RERG: variants seen among roughly 807,000 people sequenced by gnomAD.
RERG encodes RAS like estrogen regulated growth inhibitor, also known as ras-related and estrogen-regulated growth inhibitor.
Under a neutral mutation model 23.2 loss-of-function variants are expected in RERG, and 25 were observed. The observed-to-expected ratio is 1.08, with a 90% CI of 0.79 to 1.50. RERG has a LOEUF of 1.50. Ranked by LOEUF, RERG falls within the 40% of genes most tolerant of loss-of-function variation. RERG has a pLI of 0.00. For synonymous variants in RERG, 81 were observed against 89.1 expected (o/e 0.91, Z 0.51); for missense variants, 253 against 250.1 (o/e 1.01, Z -0.08).
chr12:15,217,389 C>CCA (rs745681547), intron 2 of RERG, 40 bp downstream of exon 2: 2,784 of 1,246,708 alleles, frequency 2.2e-3, no homozygotes, highest in Non-Finnish European at 2.8e-3. Context: ...ACACACTCAC[C>CCA]CACACACACA....
At chr12:15,131,088 G>GA (rs1864038442) in intron 2 of RERG, among the ~76,000 whole-genome samples, 1 of 151,990 alleles carries the variant, frequency 6.6e-6, no homozygotes, top group East Asian at 1.9e-4. Flanking sequence ...GCAAAATCAA[G>GA]AAAAATCTTA....
chr12:15,124,624 T>C (rs1351590890), intron 2 of RERG, among the ~76,000 whole-genome samples: 2 of 152,080 alleles, frequency 1.3e-5, no homozygotes, highest in Admixed American at 6.5e-5. Flanking sequence ...CAGTTGTGAT[T>C]GTTCTTTTCT....
intron 2 of RERG, 40 bp downstream of exon 2, chr12:15,217,387 ACC>A: frequency 7.7e-7 from 1 of 1,305,796 alleles, no homozygotes; most frequent in Non-Finnish European, 1.1e-6. Context: ...AAACACACTC[ACC>A]CACACACACA....
intron 2 of RERG, among the ~76,000 whole-genome samples, chr12:15,192,113 C>A (rs748665365): frequency 2.0e-4 from 31 of 152,292 alleles, no homozygotes; most frequent in Non-Finnish European, 3.8e-4. Flanking sequence ...GGGCAGATTT[C>A]TCATGAATGG....
chr12:15,120,766 C>T (rs562496066), intron 3 of RERG, among the ~76,000 whole-genome samples: 3 of 152,268 alleles, frequency 2.0e-5, no homozygotes, highest in African/African-American at 7.2e-5. Flanking sequence ...TCCTCTCTCT[C>T]CCATTAGAAT....
At chr12:15,147,539 T>TA (rs1247770410) in intron 2 of RERG, among the ~76,000 whole-genome samples, 1 of 152,234 alleles carries the variant, frequency 6.6e-6, no homozygotes, top group Non-Finnish European at 1.5e-5. Context: ...AACTTTGTTT[T>TA]AAAATACATA....
chr12:15,140,175 G>A (rs748470982), intron 2 of RERG, among the ~76,000 whole-genome samples: 4 of 152,084 alleles, frequency 2.6e-5, no homozygotes, highest in Admixed American at 6.6e-5. Context: ...GAGCCTTTCG[G>A]AGACAATAGA....
At chr12:15,159,573 C>A (rs558303036) in intron 2 of RERG, among the ~76,000 whole-genome samples, 5 of 152,156 alleles carry the variant, frequency 3.3e-5, no homozygotes, top group Admixed American at 2.0e-4. Context: ...CCTGTAATCC[C>A]AGCACTTTGG....
At chr12:15,196,441 C>CTGT (rs1400966493) in intron 2 of RERG, among the ~76,000 whole-genome samples, 1 of 152,132 alleles carries the variant, frequency 6.6e-6, no homozygotes, top group Non-Finnish European at 1.5e-5. Flanking sequence ...TTCTTTTCCC[C>CTGT]TGAGGAAGTA....
At chr12:15,126,549 T>C (rs1229439275) in intron 2 of RERG, among the ~76,000 whole-genome samples, 1 of 152,036 alleles carries the variant, frequency 6.6e-6, no homozygotes, top group African/African-American at 2.4e-5. Flanking sequence ...CCATAAATAC[T>C]TGCAAGCTGA....
At chr12:15,136,452 C>T (rs150170626) in intron 2 of RERG, among the ~76,000 whole-genome samples, 6 of 151,756 alleles carry the variant, frequency 4.0e-5, no homozygotes, top group Non-Finnish European at 5.9e-5. Context: ...TTAATTCACT[C>T]TTCTATTTCT....
chr12:15,191,309 A>T (rs1265916744), intron 2 of RERG, among the ~76,000 whole-genome samples: 1 of 152,154 alleles, frequency 6.6e-6, no homozygotes, highest in Non-Finnish European at 1.5e-5. Context: ...TCTCTCCCTT[A>T]TCATCTCTAT....
intron 2 of RERG, among the ~76,000 whole-genome samples, chr12:15,215,738 G>A (rs1002989756): frequency 6.6e-6 from 1 of 152,114 alleles, no homozygotes; most frequent in Non-Finnish European, 1.5e-5. Context: ...AAATGGTCAG[G>A]TGAGAATGAG....
intron 3 of RERG, among the ~76,000 whole-genome samples, chr12:15,118,899 A>G (rs1863780602): frequency 6.6e-6 from 1 of 152,206 alleles, no homozygotes; most frequent in Non-Finnish European, 1.5e-5. Context: ...ATTTCTTTAT[A>G]GCATTGTGAG....
chr12:15,158,817 G>A (rs536142503), intron 2 of RERG, among the ~76,000 whole-genome samples: 45 of 152,076 alleles, frequency 3.0e-4, no homozygotes, highest in Non-Finnish European at 5.1e-4. Flanking sequence ...CCCATCATTG[G>A]TGACATGAAC....
At chr12:15,115,673 G>A (rs972392800) in intron 3 of RERG, among the ~76,000 whole-genome samples, 2 of 152,006 alleles carry the variant, frequency 1.3e-5, no homozygotes, top group African/African-American at 4.8e-5. Flanking sequence ...GTTGTCATGG[G>A]GGTAGCCTGT....
chr12:15,153,462 A>C (rs1396554970), intron 2 of RERG, among the ~76,000 whole-genome samples: 1 of 152,142 alleles, frequency 6.6e-6, no homozygotes, highest in Non-Finnish European at 1.5e-5. Context: ...GTCTTTAGAA[A>C]TTTGCTTAAA....
chr12:15,181,041 C>A (rs1745826603), intron 2 of RERG, among the ~76,000 whole-genome samples: 1 of 152,124 alleles, frequency 6.6e-6, no homozygotes, highest in Non-Finnish European at 1.5e-5. Flanking sequence ...GGGGAAATGT[C>A]ATTTAGCCAC....
chr12:15,211,268 T>C (rs1235495369), intron 2 of RERG, among the ~76,000 whole-genome samples: 1 of 148,130 alleles, frequency 6.8e-6, no homozygotes, highest in Non-Finnish European at 1.5e-5. Flanking sequence ...TAAATGGATT[T>C]TAGAATGTCA....
Sources: gnomAD v4.1 joint callset for allele counts (sites outside exome capture counted in the v4.1 genomes callset) on GRCh38, gnomAD v4.1.1 for gene constraint, MANE v1.5 for transcripts, NCBI Gene and HGNC (gene_info 2026-07-23, HGNC 2026-07-21) for gene names.